Variants in ZSCAN21 observed in about 807,000 individuals in gnomAD.
ZSCAN21 encodes zinc finger and SCAN domain containing 21.
ZSCAN21 carries 26 observed loss-of-function variants against 35.6 expected under a neutral mutation model. That is an observed-to-expected ratio of 0.73 (90% CI 0.54 to 1.01). The LOEUF (loss-of-function observed/expected upper bound fraction) is 1.01, where lower values mean the gene tolerates loss of function less well. ZSCAN21 is among the 50% of genes least tolerant of loss of function. ZSCAN21 has a pLI of 0.00. For synonymous variants in ZSCAN21, 219 were observed against 219.3 expected (o/e 1.00, Z 0.01); for missense variants, 593 against 587.1 (o/e 1.01, Z -0.10).
intron 1 of ZSCAN21, among the ~76,000 whole-genome samples, chr7:100,054,405 A>C (rs1792000546): frequency 6.6e-6 from 1 of 151,430 alleles, no homozygotes; most frequent in Admixed American, 6.6e-5. Flanking sequence ...GCCTGTCACC[A>C]CGCCCGGCTA....
chr7:100,063,692 C>T, intron 3 of ZSCAN21, 96 bp from the exon 4 acceptor site: 6 of 1,191,260 alleles, frequency 5.0e-6, no homozygotes, highest in South Asian at 1.5e-5. Flanking sequence ...CCTTCAGAAA[C>T]CATCAGTCTC....
intron 3 of ZSCAN21, among the ~76,000 whole-genome samples, chr7:100,058,514 C>T (rs555334126): frequency 6.6e-6 from 1 of 152,300 alleles, no homozygotes; most frequent in East Asian, 1.9e-4. Context: ...TCCTGGGGCA[C>T]AGGGCGGGTC....
intron 1 of ZSCAN21, among the ~76,000 whole-genome samples, chr7:100,052,152 G>A (rs1226811142): frequency 6.6e-6 from 1 of 152,024 alleles, no homozygotes; most frequent in Non-Finnish European, 1.5e-5. Context: ...GGCTACTTTG[G>A]AGGCTGAGGT....
chr7:100,057,463 G>C (rs1435961412), intron 2 of ZSCAN21, 58 bp downstream of exon 2: 2 of 1,499,804 alleles, frequency 1.3e-6, no homozygotes, highest in African/African-American at 2.8e-5. Context: ...TTCTAGGCAG[G>C]AACAAGGGTT....
At position 100,057,622 on chromosome 7, in the gene ZSCAN21, G is replaced by A. The variant is rs1792125942; in HGVS notation, c.400-76G>A. ...CTTTTCTCTTTCCTAGAGGTTCTAT[G>A]TAGCTCTACTGGGATTTTCATTCTT... On this transcript the variant is annotated intron_variant, in intron 2 of 3. Transcript: ENST00000292450. The A allele has an allele frequency of 7.0e-6, 10 of 1,433,490 alleles. No homozygotes were observed. The South Asian group carries it at 1.4e-4, about 20-fold the overall frequency. The allele number at this position is 1,433,490 out of a possible 1,614,324, so 88.8% of individuals were successfully genotyped here.
chr7:100,058,702 G>GT (rs1283710217), intron 3 of ZSCAN21, among the ~76,000 whole-genome samples: 2 of 152,224 alleles, frequency 1.3e-5, no homozygotes, highest in Non-Finnish European at 2.9e-5. Context: ...GTCATCCCCT[G>GT]TGGGGGTGTT....
intron 1 of ZSCAN21, among the ~76,000 whole-genome samples, chr7:100,053,127 A>G (rs1791946715): frequency 6.8e-6 from 1 of 147,034 alleles, no homozygotes; most frequent in Admixed American, 6.8e-5. Context: ...CTCCATCTCA[A>G]AAAAAAAAAA....
chr7:100,057,597 C>T (rs1792124853), intron 2 of ZSCAN21, 101 bp from the exon 3 acceptor site: 1 of 1,381,692 alleles, frequency 7.2e-7, no homozygotes, highest in Non-Finnish European at 9.8e-7. Flanking sequence ...GGGTGTTTTC[C>T]TTTTCTCTTT....
chr7:100,062,229 C>A (rs1206407308), intron 3 of ZSCAN21, among the ~76,000 whole-genome samples: 1 of 151,528 alleles, frequency 6.6e-6, no homozygotes, highest in Non-Finnish European at 1.5e-5. Flanking sequence ...TTAACCCTGG[C>A]CCTGCAGCAG....
At chr7:100,059,277 GGTGA>G (rs1265345406) in intron 3 of ZSCAN21, among the ~76,000 whole-genome samples, 3 of 152,228 alleles carry the variant, frequency 2.0e-5, no homozygotes, top group African/African-American at 7.2e-5. Flanking sequence ...CATGGTTTAT[GGTGA>G]ACACAGTAGA....
intron 1 of ZSCAN21, among the ~76,000 whole-genome samples, chr7:100,054,956 T>G (rs887786912): frequency 8.0e-6 from 1 of 124,294 alleles, no homozygotes; most frequent in African/African-American, 2.9e-5. Context: ...TTATGATCTC[T>G]CTTTTTTTTT....
At chr7:100,053,142 A>G (rs1193222375) in intron 1 of ZSCAN21, among the ~76,000 whole-genome samples, 1 of 151,670 alleles carries the variant, frequency 6.6e-6, no homozygotes, top group African/African-American at 2.4e-5. Flanking sequence ...AAAAAAAAAA[A>G]GAACTGATGT....
At position 100,054,344 on chromosome 7, in the gene ZSCAN21, C is replaced by T. The variant is rs565317198; in HGVS notation, c.-96-2567C>T. Among the ~76,000 whole-genome samples, 4 of 151,616 alleles carry T rather than the reference C, an allele frequency of 2.6e-5. No individual in the cohort carries two copies. In the South Asian group the frequency reaches 8.3e-4, roughly 32 times the overall value. ...GGCTCACTGCAACCTCTGCCTCCCA[C>T]GTTCAAGCTATTCTCATGTCTCAGC... On this transcript the variant is annotated intron_variant, in intron 1 of 3. Coordinates refer to ENST00000292450, the MANE Select transcript of ZSCAN21 (RefSeq NM_145914.3).
At chr7:100,060,423 G>A (rs1206750597) in intron 3 of ZSCAN21, among the ~76,000 whole-genome samples, 2 of 152,114 alleles carry the variant, frequency 1.3e-5, no homozygotes, top group South Asian at 2.1e-4. Context: ...TTAGTTGGGC[G>A]TGGTGGCATG....
At chr7:100,061,570 C>T (rs1320878821) in intron 3 of ZSCAN21, among the ~76,000 whole-genome samples, 4 of 152,168 alleles carry the variant, frequency 2.6e-5, no homozygotes, top group African/African-American at 9.7e-5. Context: ...ACATGTAGTC[C>T]ATGGCTGTCC....
chr7:100,062,507 A>G (rs1238662716), intron 3 of ZSCAN21, among the ~76,000 whole-genome samples: 3 of 151,168 alleles, frequency 2.0e-5, no homozygotes, highest in African/African-American at 4.9e-5. Context: ...AGGCAGGAGA[A>G]TCGCTTGAAC....
At chr7:100,054,345 G>A (rs894643087) in intron 1 of ZSCAN21, among the ~76,000 whole-genome samples, 7 of 151,078 alleles carry the variant, frequency 4.6e-5, no homozygotes, top group African/African-American at 1.2e-4. Context: ...TGCCTCCCAC[G>A]TTCAAGCTAT....
In ZSCAN21 at chr7:100,051,178, C is replaced by CAAAAAAAAAAAAAA. The variant is rs369246193; in HGVS notation, c.-97+1349_-97+1362dup. Reference sequence around the variant, plus strand: ...GGGAAACAAGAGTGAAACTACGTCTCAAAAAAAAAAAAAAAAAAAAAAAAA... The same window carrying CAAAAAAAAAAAAAA: ...GGGAAACAAGAGTGAAACTACGTCTCAAAAAAAAAAAAAAAAAAAAAAAAAAAAAAAAAAAAAAA... On this transcript the variant is annotated intron_variant, in intron 1 of 3. Coordinates refer to ENST00000292450, the MANE Select transcript of ZSCAN21 (RefSeq NM_145914.3). 2.7e-3 allele frequency among the ~76,000 whole-genome samples: 111 copies of CAAAAAAAAAAAAAA among 41,360 alleles called. 7 individuals are homozygous for CAAAAAAAAAAAAAA. The highest frequency in any genetic ancestry group is 7.2e-3 in the African/African-American group (64 of 8,852). The allele number at this position is 41,360 out of a possible 152,430, so 27.1% of individuals were successfully genotyped here. A position where few individuals can be genotyped will look rare whatever the true frequency, so the allele number is the denominator to read the frequency against.
rs557785552 is a variant in ZSCAN21 at position 100,064,936 on chromosome 7, A to G, written c.*319A>G. 2 of 1,610,618 alleles carry G rather than the reference A, an allele frequency of 1.2e-6. No homozygotes were observed. Among genetic ancestry groups the G allele is most frequent in the Admixed American group, 1.7e-5 (1 of 59,358 alleles). On this transcript the variant is annotated 3_prime_UTR_variant, in exon 4 of 4. Coordinates refer to ENST00000292450, the MANE Select transcript of ZSCAN21 (RefSeq NM_145914.3). ...GTCTAGTTAAGGAAGAAACATTAAG[A>G]TTGTTTAATTTTTAACATATATTCA... is the stretch of plus-strand genomic sequence containing the variant.
Sources: allele counts gnomAD v4.1 joint callset (sites outside exome capture counted in the v4.1 genomes callset), GRCh38; gene constraint gnomAD v4.1.1; transcripts MANE v1.5; gene names NCBI Gene and HGNC (gene_info 2026-07-23, HGNC 2026-07-21).